NRXN1: variants seen among roughly 807,000 people sequenced by gnomAD.
The protein encoded by NRXN1 is neurexin 1, also known as neurexin-1.
Under a neutral mutation model 150.9 loss-of-function variants are expected in NRXN1, and 39 were observed. The observed-to-expected ratio is 0.26, with a 90% confidence interval of 0.20 to 0.34. The LOEUF is 0.34. Among genes scored for constraint, NRXN1 ranks in the 10% least tolerant of loss-of-function variants. NRXN1 has a pLI of 1.00. For missense variants in NRXN1, 1,815 were observed against 1,949.9 expected (o/e 0.93, Z 1.30); for synonymous variants, 924 against 757.0 (o/e 1.22, Z -3.62).
At chr2:50,094,643 T>C (rs184999728) in intron 18 of NRXN1, among the ~76,000 whole-genome samples, 23 of 152,042 alleles carry the variant, frequency 1.5e-4, no homozygotes, top group Admixed American at 1.2e-3. Context: ...TGCATTAGGG[T>C]TTGTTAGGAC....
intron 17 of NRXN1, among the ~76,000 whole-genome samples, chr2:50,429,653 AT>A (rs1195133526): frequency 6.6e-6 from 1 of 152,204 alleles, no homozygotes; most frequent in Non-Finnish European, 1.5e-5. Flanking sequence ...AGGAAAAATA[AT>A]ATCTTTTTTT....
Position 49,943,744 on chromosome 2 carries a change from A to G in NRXN1, c.4176T>C (p.Asp1392=), listed in dbSNP as rs201135028. The G allele has an allele frequency of 2.3e-4, 373 of 1,612,456 alleles. No individual in the cohort carries two copies. Among genetic ancestry groups the G allele is most frequent in the Non-Finnish European group, 2.9e-4 (346 of 1,179,382 alleles). The change falls in exon 22 of 23, where the codon GAT becomes GAC. Residue 1392 remains aspartate (D), a synonymous_variant. Transcript: ENST00000401669. ...LVASAECPSD[D]EDIDPCEPSS... ...TCGGCTCACAGGGGTCAATGTCCTC[A>G]TCATCGCTGGGACACTCTGCTGAGG...
intron 5 of NRXN1, among the ~76,000 whole-genome samples, chr2:50,890,133 A>G (rs2103814554): frequency 6.6e-6 from 1 of 151,918 alleles, no homozygotes; most frequent in African/African-American, 2.4e-5. Context: ...CAACTTGTAT[A>G]ATGCTTCTTT....
chr2:49,941,120 C>G (rs950255745), intron 22 of NRXN1, among the ~76,000 whole-genome samples: 1 of 151,894 alleles, frequency 6.6e-6, no homozygotes, highest in African/African-American at 2.4e-5. Flanking sequence ...GCAAGAAAAA[C>G]AGGGTTCCTG....
rs34891434 is a variant in NRXN1 at position 50,253,873 on chromosome 2, C to CTT, written c.3365-16905_3365-16904dup. Among the ~76,000 whole-genome samples the CTT allele has an allele frequency of 6.0e-4, 91 of 150,804 alleles. 1 individual carries two copies. The highest frequency in any genetic ancestry group is 2.1e-3 in the African/African-American group (84 of 40,632). ...ATCCAGGATATTGACCTGAAGTTTT[C>CTT]TTTTTTTTTGTTGTATCTCTGGTAG... is the stretch of plus-strand genomic sequence containing the variant. On this transcript the variant is annotated intron_variant, in intron 17 of 22. Coordinates refer to ENST00000401669, the MANE Select transcript of NRXN1 (RefSeq NM_001330078.2).
intron 18 of NRXN1, among the ~76,000 whole-genome samples, chr2:50,095,730 CAAT>C (rs917639981): frequency 1.3e-5 from 2 of 150,470 alleles, no homozygotes; most frequent in Non-Finnish European, 3.0e-5. Context: ...AATTTAGAAA[CAAT>C]GAGCATCCGT....
intron 5 of NRXN1, among the ~76,000 whole-genome samples, chr2:50,828,517 C>T (rs1482445704): frequency 8.0e-5 from 12 of 149,318 alleles, no homozygotes; most frequent in African/African-American, 3.0e-4. Context: ...TCAGACGGGG[C>T]GGCTGGGCAG....
intron 22 of NRXN1, among the ~76,000 whole-genome samples, chr2:49,934,509 T>C (rs765726148): frequency 2.0e-5 from 3 of 152,228 alleles, no homozygotes; most frequent in Non-Finnish European, 4.4e-5. Flanking sequence ...TGAGGCTATT[T>C]CTGTCTCAAT....
At chr2:50,999,006 A>G (rs1280837617) in intron 2 of NRXN1, among the ~76,000 whole-genome samples, 1 of 152,072 alleles carries the variant, frequency 6.6e-6, no homozygotes, top group Non-Finnish European at 1.5e-5. Flanking sequence ...AATTAAAACT[A>G]AAACTAAGAT....
chr2:49,942,287 C>G (rs1273772769), intron 22 of NRXN1, among the ~76,000 whole-genome samples: 1 of 152,100 alleles, frequency 6.6e-6, no homozygotes, highest in African/African-American at 2.4e-5. Context: ...TGTCCTGTTG[C>G]GAGGTGACTG....
At chr2:50,192,238 G>T (rs2061489333) in intron 18 of NRXN1, among the ~76,000 whole-genome samples, 1 of 152,124 alleles carries the variant, frequency 6.6e-6, no homozygotes, top group Non-Finnish European at 1.5e-5. Flanking sequence ...TAAGAAATCT[G>T]TTAGAGAAAA....
intron 17 of NRXN1, among the ~76,000 whole-genome samples, chr2:50,366,191 G>A (rs2079571623): frequency 6.9e-6 from 1 of 144,884 alleles, no homozygotes; most frequent in Non-Finnish European, 1.5e-5. Flanking sequence ...TGGATTTGCT[G>A]ACAGGTTAGA....
intron 5 of NRXN1, among the ~76,000 whole-genome samples, chr2:50,705,862 A>T (rs1180744341): frequency 1.3e-5 from 2 of 152,180 alleles, no homozygotes; most frequent in African/African-American, 4.8e-5. Flanking sequence ...AAAGATCTGC[A>T]CAGACAGGAA....
intron 5 of NRXN1, among the ~76,000 whole-genome samples, chr2:50,672,395 T>C (rs969336953): frequency 1.3e-5 from 2 of 152,042 alleles, no homozygotes; most frequent in Non-Finnish European, 1.5e-5. Context: ...GTGGCTATGC[T>C]TTATTCTACA....
At position 49,971,817 on chromosome 2, in the gene NRXN1, T is replaced by C. The variant is rs1357618874; in HGVS notation, c.4129-28026A>G. ...GAAAACTAGTATAATGATCTGAGTA[T>C]ATTATCCTGAATTTACCTTAAGGTA... On this transcript the variant is annotated intron_variant, in intron 21 of 22. Transcript: ENST00000401669. Among the ~76,000 whole-genome samples the C allele has an allele frequency of 2.0e-5, 3 of 152,152 alleles. No individual in the cohort carries two copies. In the East Asian group the frequency reaches 5.8e-4, roughly 29 times the overall value.
intron 5 of NRXN1, among the ~76,000 whole-genome samples, chr2:50,769,874 C>A (rs992887500): frequency 6.6e-6 from 1 of 151,944 alleles, no homozygotes; most frequent in Non-Finnish European, 1.5e-5. Context: ...CAGCATCAGG[C>A]GTAGAATTCA....
At chr2:50,914,939 G>A (rs764988483) in intron 5 of NRXN1, among the ~76,000 whole-genome samples, 2 of 151,494 alleles carry the variant, frequency 1.3e-5, no homozygotes, top group Non-Finnish European at 3.0e-5. Flanking sequence ...AGAGATTTCT[G>A]CCTTCACCAG....
At chr2:50,985,136 A>G (rs1325662990) in intron 2 of NRXN1, among the ~76,000 whole-genome samples, 2 of 152,040 alleles carry the variant, frequency 1.3e-5, no homozygotes, top group Non-Finnish European at 2.9e-5. Context: ...AAAATGTGTG[A>G]AGTAAATCTG....
chr2:50,749,458 C>T (rs1210398304), intron 5 of NRXN1, among the ~76,000 whole-genome samples: 2 of 152,076 alleles, frequency 1.3e-5, no homozygotes, highest in East Asian at 1.9e-4. Flanking sequence ...TTGTTCTGGA[C>T]AATTTCCCAG....
Sources: gnomAD v4.1 joint callset for allele counts (sites outside exome capture counted in the v4.1 genomes callset) on GRCh38, gnomAD v4.1.1 for gene constraint, MANE v1.5 for transcripts, NCBI Gene and HGNC (gene_info 2026-07-23, HGNC 2026-07-21) for gene names.